The following TSPEAR variants were observed in gnomAD, a reference collection of about 807,000 sequenced individuals.
TSPEAR encodes the protein thrombospondin type laminin G domain and EAR repeats, also known as thrombospondin-type laminin G domain and EAR repeat-containing protein.
Under a neutral mutation model 71.6 loss-of-function variants are expected in TSPEAR, and 69 were observed. The ratio of observed to expected loss-of-function variants is 0.96; its 90% CI spans 0.79 to 1.18. TSPEAR has a LOEUF of 1.18. Among genes scored for constraint, TSPEAR ranks in the 50% most tolerant of loss-of-function variants. TSPEAR has a pLI of 0.00. For missense variants in TSPEAR, 971 were observed against 894.9 expected (o/e 1.09, Z -1.09); for synonymous variants, 402 against 387.2 (o/e 1.04, Z -0.45).
chr21:44,674,746 G>A (rs868948307), intron 1 of TSPEAR, among the ~76,000 whole-genome samples: 5,325 of 138,634 alleles, frequency 0.038, 121 homozygotes, highest in Middle Eastern at 0.074. Flanking sequence ...GTGTGTGTGT[G>A]TGTGTGTGTG....
At chr21:44,578,546 G>A (rs1357546340) in intron 1 of TSPEAR, among the ~76,000 whole-genome samples, 1 of 152,344 alleles carries the variant, frequency 6.6e-6, no homozygotes, top group East Asian at 1.9e-4. Flanking sequence ...CTAGGGATTA[G>A]GGGACGGAGG....
intron 5 of TSPEAR, among the ~76,000 whole-genome samples, chr21:44,529,200 G>A (rs1215063319): frequency 2.6e-5 from 4 of 152,204 alleles, no homozygotes; most frequent in South Asian, 2.1e-4. Context: ...ACTGCCCCTC[G>A]GGTTGGCTGA....
chr21:44,517,620 GTGTGTGCTCCT>G, intron 9 of TSPEAR: 1 of 383,288 alleles, frequency 2.6e-6, no homozygotes, highest in South Asian at 1.9e-5. Flanking sequence ...GCTTCCCACC[GTGTGTGCTCCT>G]TGTCTGACTT....
intron 1 of TSPEAR, among the ~76,000 whole-genome samples, chr21:44,599,474 C>T (rs1555928115): frequency 6.6e-6 from 1 of 152,180 alleles, no homozygotes; most frequent in African/African-American, 2.4e-5. Context: ...CTCAGGGCCG[C>T]ATGCATGCTG....
chr21:44,600,050 C>T (rs1202636278), intron 1 of TSPEAR, among the ~76,000 whole-genome samples: 2 of 152,200 alleles, frequency 1.3e-5, no homozygotes, highest in Admixed American at 6.5e-5. Flanking sequence ...CACCACTGTC[C>T]ACCCTTTCCC....
intron 1 of TSPEAR, among the ~76,000 whole-genome samples, chr21:44,607,228 C>T (rs188787951): frequency 2.4e-4 from 36 of 152,156 alleles, no homozygotes; most frequent in Middle Eastern, 6.8e-3. Flanking sequence ...TACAGGTGCG[C>T]GCCACTACAC....
chr21:44,639,725 C>T (rs1305019957), intron 1 of TSPEAR, among the ~76,000 whole-genome samples: 1 of 152,236 alleles, frequency 6.6e-6, no homozygotes, highest in Non-Finnish European at 1.5e-5. Flanking sequence ...CATCACTGTG[C>T]TCACTGATGG....
intron 1 of TSPEAR, among the ~76,000 whole-genome samples, chr21:44,635,973 G>C (rs1327408940): frequency 6.6e-6 from 1 of 152,172 alleles, no homozygotes; most frequent in Non-Finnish European, 1.5e-5. Flanking sequence ...AGATCAACTA[G>C]CTGTTCATCT....
At chr21:44,545,058 G>A (rs1262613459) in intron 2 of TSPEAR, among the ~76,000 whole-genome samples, 2 of 151,336 alleles carry the variant, frequency 1.3e-5, no homozygotes, top group Non-Finnish European at 2.9e-5. Flanking sequence ...GGTGGCTCAC[G>A]CCTGTAATCC....
intron 1 of TSPEAR, among the ~76,000 whole-genome samples, chr21:44,608,595 G>A (rs1342993791): frequency 6.6e-6 from 1 of 152,206 alleles, no homozygotes; most frequent in African/African-American, 2.4e-5. Context: ...GCAAGCAAAT[G>A]TCTTGAACAG....
intron 1 of TSPEAR, among the ~76,000 whole-genome samples, chr21:44,632,937 G>T (rs1317645573): frequency 5.9e-5 from 9 of 152,136 alleles, no homozygotes; most frequent in African/African-American, 2.2e-4. Flanking sequence ...TTACATCTAG[G>T]TTATCTACAT....
intron 1 of TSPEAR, among the ~76,000 whole-genome samples, chr21:44,600,366 C>T (rs1555928280): frequency 3.3e-5 from 5 of 151,940 alleles, no homozygotes; most frequent in South Asian, 2.1e-4. Flanking sequence ...GGTGCGTCAA[C>T]GGAACCAAAT....
rs868935953 is a variant in TSPEAR at position 44,509,132 on chromosome 21, G to A, written c.1754+67C>T. The A allele has an allele frequency of 4.2e-5, 65 of 1,535,914 alleles. No homozygotes were observed. The African/African-American group carries it at 5.2e-4, about 12-fold the overall frequency. On this transcript the variant is annotated intron_variant, in intron 10 of 11. Coordinates refer to ENST00000323084, the MANE Select transcript of TSPEAR (RefSeq NM_144991.3). ...GAAGGGTGGTGAGGATGAGCCTAACGGGGATTCCGACATGGTGGGCCTCCC... is the reference window on the plus strand; with the variant it reads ...GAAGGGTGGTGAGGATGAGCCTAACAGGGATTCCGACATGGTGGGCCTCCC...
At chr21:44,673,260 G>A (rs1235800345) in intron 1 of TSPEAR, among the ~76,000 whole-genome samples, 1 of 152,180 alleles carries the variant, frequency 6.6e-6, no homozygotes, top group Non-Finnish European at 1.5e-5. Context: ...TCAAAGTGCT[G>A]AAAGAAAGAA....
intron 2 of TSPEAR, among the ~76,000 whole-genome samples, chr21:44,556,640 C>T (rs782046714): frequency 6.6e-6 from 1 of 151,934 alleles, no homozygotes; most frequent in African/African-American, 2.4e-5. Flanking sequence ...TGCAGTGAGC[C>T]GAGATCGCAC....
rs911729071 is a variant in TSPEAR, at chr21:44,540,334, G to A, written c.304-6411C>T. On this transcript the variant is annotated intron_variant, in intron 2 of 11. Transcript: ENST00000323084. ...CCCTTCCTGGTTGCTGAGAGGTGGC[G>A]TGTGTCATGACTAGGGATGTTTGTT... 10 of 988,280 alleles carry A rather than the reference G, an allele frequency of 1.0e-5. 1 individual carries two copies. The highest frequency in any genetic ancestry group is 3.3e-5 in the South Asian group (2 of 60,058). The allele number at this position is 988,280 out of a possible 1,614,324, so 61.2% of individuals were successfully genotyped here.
chr21:44,584,831 A>G (rs962995919), intron 1 of TSPEAR, among the ~76,000 whole-genome samples: 2 of 152,192 alleles, frequency 1.3e-5, no homozygotes, highest in Non-Finnish European at 2.9e-5. Flanking sequence ...ATTTTCCTGG[A>G]CATCATTGTA....
chr21:44,658,008 G>T, intron 1 of TSPEAR: 1 of 1,613,702 alleles, frequency 6.2e-7, no homozygotes, highest in Non-Finnish European at 8.5e-7. Context: ...TCCCCAGCCT[G>T]CCAGCCAACC....
chr21:44,697,804 T>G (rs200747086), intron 1 of TSPEAR: 1 of 1,613,232 alleles, frequency 6.2e-7, no homozygotes, highest in Admixed American at 1.7e-5. Context: ...TCTGCCGCCC[T>G]GTGTGCAGAC....
Sources: gnomAD v4.1 joint callset for allele counts (sites outside exome capture counted in the v4.1 genomes callset) on GRCh38, gnomAD v4.1.1 for gene constraint, MANE v1.5 for transcripts, NCBI Gene and HGNC (gene_info 2026-07-23, HGNC 2026-07-21) for gene names.